The following SLCO3A1 variants were observed in gnomAD, a reference collection of about 807,000 sequenced individuals.
SLCO3A1 encodes the protein solute carrier organic anion transporter family member 3A1.
SLCO3A1 carries 27 observed loss-of-function variants against 63.1 expected under a neutral mutation model. The ratio of observed to expected loss-of-function variants is 0.43; its 90% CI spans 0.32 to 0.59. SLCO3A1 has a LOEUF of 0.59. SLCO3A1 is among the 20% of genes least tolerant of loss of function. The pLI is 0.09. For synonymous variants in SLCO3A1, 473 were observed against 409.9 expected (o/e 1.15, Z -1.86); for missense variants, 773 against 945.8 (o/e 0.82, Z 2.40).
At chr15:92,066,838 G>A (rs923791887) in intron 2 of SLCO3A1, among the ~76,000 whole-genome samples, 2 of 152,148 alleles carry the variant, frequency 1.3e-5, no homozygotes, top group Non-Finnish European at 1.5e-5. Context: ...TGTTGTGGCC[G>A]TGTTTTCAAA....
At chr15:91,956,977 G>GTATATATAATATATATAC (rs1900210537) in intron 2 of SLCO3A1, among the ~76,000 whole-genome samples, 5 of 8,964 alleles carry the variant, frequency 5.6e-4, no homozygotes, top group Non-Finnish European at 8.0e-4. Flanking sequence ...TATATATATA[G>GTATATATAATATATATAC]TATATATAAT....
chr15:91,974,274 A>ATTATTATTG (rs1901007540), intron 2 of SLCO3A1, among the ~76,000 whole-genome samples: 1 of 104,036 alleles, frequency 9.6e-6, no homozygotes, highest in Non-Finnish European at 2.4e-5. Flanking sequence ...TGTTATTATT[A>ATTATTATTG]TTATTATTAT....
chr15:92,116,811 G>A (rs1030100128), intron 4 of SLCO3A1, among the ~76,000 whole-genome samples: 2 of 152,128 alleles, frequency 1.3e-5, no homozygotes, highest in African/African-American at 4.8e-5. Context: ...AATAAAACTG[G>A]GGATGGGAGG....
intron 1 of SLCO3A1, among the ~76,000 whole-genome samples, chr15:91,880,399 C>G (rs797015844): frequency 0.37 from 42,520 of 114,014 alleles, 6,993 homozygotes; most frequent in African/African-American, 0.57. Context: ...CTCTCTCTCT[C>G]TCTCTCTCTC....
At chr15:91,949,114 G>C (rs1899910086) in intron 2 of SLCO3A1, among the ~76,000 whole-genome samples, 1 of 152,062 alleles carries the variant, frequency 6.6e-6, no homozygotes, top group Non-Finnish European at 1.5e-5. Context: ...TGTGGTTGGG[G>C]TGGGTGCATC....
At chr15:91,957,937 A>T (rs1900298967) in intron 2 of SLCO3A1, among the ~76,000 whole-genome samples, 1 of 152,166 alleles carries the variant, frequency 6.6e-6, no homozygotes, top group South Asian at 2.1e-4. Context: ...TCTTTGTCAT[A>T]TAAATGAAAG....
chr15:91,976,316 T>C (rs1453084245), intron 2 of SLCO3A1, among the ~76,000 whole-genome samples: 1 of 152,266 alleles, frequency 6.6e-6, no homozygotes, highest in East Asian at 1.9e-4. Context: ...ACACTTCAGA[T>C]ATTTTGGATT....
intron 1 of SLCO3A1, among the ~76,000 whole-genome samples, chr15:91,880,166 CATCCATCTATCT>C (rs1292711820): frequency 7.5e-6 from 1 of 132,586 alleles, no homozygotes; most frequent in African/African-American, 3.0e-5. Context: ...TCCATCCATC[CATCCATCTATCT>C]ATCTATCTAT....
chr15:91,934,204 C>T (rs1455632858), intron 2 of SLCO3A1, among the ~76,000 whole-genome samples: 1 of 152,084 alleles, frequency 6.6e-6, no homozygotes. Flanking sequence ...GATGTCTGTA[C>T]CCCCAGTGAG....
At chr15:91,921,167 A>G (rs918217645) in intron 2 of SLCO3A1, among the ~76,000 whole-genome samples, 1 of 152,126 alleles carries the variant, frequency 6.6e-6, no homozygotes, top group Non-Finnish European at 1.5e-5. Flanking sequence ...CATTCCTTGA[A>G]TTTCAGATGG....
chr15:92,013,393 C>T (rs1276600518), intron 2 of SLCO3A1, among the ~76,000 whole-genome samples: 1 of 152,152 alleles, frequency 6.6e-6, no homozygotes, highest in Non-Finnish European at 1.5e-5. Context: ...ATTCTTTGGG[C>T]CAGGTGCTGT....
intron 3 of SLCO3A1, among the ~76,000 whole-genome samples, chr15:92,097,040 G>C (rs1465923946): frequency 6.6e-6 from 1 of 152,176 alleles, no homozygotes; most frequent in African/African-American, 2.4e-5. Flanking sequence ...CAGCAGAGGG[G>C]ATAGAGAGGA....
chr15:92,048,237 C>G (rs1186215973), intron 2 of SLCO3A1, among the ~76,000 whole-genome samples: 1 of 152,270 alleles, frequency 6.6e-6, no homozygotes, highest in Non-Finnish European at 1.5e-5. Flanking sequence ...CTACCCCAAA[C>G]ATCAGTCCAG....
intron 1 of SLCO3A1, among the ~76,000 whole-genome samples, chr15:91,902,493 G>A (rs1014328077): frequency 2.0e-5 from 3 of 151,914 alleles, no homozygotes; most frequent in Non-Finnish European, 4.4e-5. Context: ...CCTCAGGGTA[G>A]CTGAGGGGGA....
Position 92,164,776 on chromosome 15 carries a change from A to G in SLCO3A1, c.*1641A>G. 1 of 985,452 alleles carries G rather than the reference A, an allele frequency of 1.0e-6. No individual in the cohort carries two copies. 61.0% of individuals were successfully genotyped at this position (985,452 alleles called of 1,614,324 possible). On this transcript the variant is annotated 3_prime_UTR_variant, in exon 10 of 10. Coordinates refer to ENST00000318445, the MANE Select transcript of SLCO3A1 (RefSeq NM_013272.4). ...AATGAACCTGTTATGATTTGGGGTA[A>G]GAATCACGTTGGAAAACCTCTCGCA...
In SLCO3A1 at chr15:91,865,003, C is replaced by T. The variant is rs189137202; in HGVS notation, c.180+10915C>T. 3.5e-4 allele frequency among the ~76,000 whole-genome samples: 54 copies of T among 152,350 alleles called. No homozygotes were observed. Among genetic ancestry groups the T allele is most frequent in the African/African-American group, 1.1e-3 (46 of 41,590 alleles). ...AGGCCACTCCTGAGTGGGACTGTCA[C>T]GGCAGGCATTTGCCATGGGCAGTGT... On this transcript the variant is annotated intron_variant, in intron 1 of 9. Coordinates refer to ENST00000318445, the MANE Select transcript of SLCO3A1 (RefSeq NM_013272.4). This position sits in a 1 kb window ranked among gnomAD's most constrained non-coding sequence, Gnocchi z 4.6.
At chr15:92,134,701 T>G (rs2151574688) in intron 7 of SLCO3A1, among the ~76,000 whole-genome samples, 1 of 152,382 alleles carries the variant, frequency 6.6e-6, no homozygotes, top group South Asian at 2.1e-4. Flanking sequence ...TTTTTGTGTA[T>G]ATTTCAAAAA....
chr15:92,125,228 G>A lies in SLCO3A1; in HGVS notation c.1175-833G>A, dbSNP rs956916932. ...AGAAGGCAGCCTAGACTGGAAAATT[G>A]GCCATGCATCATCTACATGGTAGAT... On this transcript the variant is annotated intron_variant, in intron 5 of 9. Transcript: ENST00000318445. Among the ~76,000 whole-genome samples the A allele has an allele frequency of 3.3e-5, 5 of 152,118 alleles. 1 individual carries two copies. Among genetic ancestry groups the A allele is most frequent in the African/African-American group, 1.2e-4 (5 of 41,420 alleles).
intron 1 of SLCO3A1, among the ~76,000 whole-genome samples, chr15:91,870,965 G>C (rs1897266501): frequency 1.3e-5 from 2 of 151,874 alleles, no homozygotes; most frequent in Admixed American, 6.6e-5. Context: ...GATCTTTTGG[G>C]GGGTATCTTT....
Sources: gnomAD v4.1 joint callset for allele counts (sites outside exome capture counted in the v4.1 genomes callset) on GRCh38, gnomAD v4.1.1 for gene constraint, Gnocchi (gnomAD v3.1) non-coding constraint, MANE v1.5 for transcripts, NCBI Gene and HGNC (gene_info 2026-07-23, HGNC 2026-07-21) for gene names.